The following TMEM117 variants were observed in gnomAD, a reference collection of about 807,000 sequenced individuals.
TMEM117 encodes the protein transmembrane protein 117.
Under a neutral mutation model 52.4 loss-of-function variants are expected in TMEM117, and 27 were observed. The ratio of observed to expected loss-of-function variants is 0.51; its 90% CI spans 0.38 to 0.71. TMEM117 has a LOEUF of 0.71. TMEM117 is among the 30% of genes least tolerant of loss of function. The pLI is 0.00. For missense variants in TMEM117, 556 were observed against 630.5 expected (o/e 0.88, Z 1.26); for synonymous variants, 215 against 206.3 (o/e 1.04, Z -0.36).
chr12:44,313,361 A>C (rs1003980213), intron 6 of TMEM117, among the ~76,000 whole-genome samples: 4 of 152,194 alleles, frequency 2.6e-5, no homozygotes, highest in Non-Finnish European at 4.4e-5. Context: ...TTTATTACAT[A>C]TGGAGTTCTT....
intron 3 of TMEM117, among the ~76,000 whole-genome samples, chr12:43,953,488 A>G (rs1202949384): frequency 3.9e-5 from 6 of 152,222 alleles, no homozygotes; most frequent in Non-Finnish European, 7.3e-5. Flanking sequence ...AGAAAATAGC[A>G]GGAGTTGCAA....
At chr12:44,087,811 A>G (rs753771324) in intron 3 of TMEM117, among the ~76,000 whole-genome samples, 8 of 152,190 alleles carry the variant, frequency 5.3e-5, no homozygotes, top group Non-Finnish European at 1.2e-4. Context: ...GCATTCAAAA[A>G]TGTTTTTCTC....
intron 2 of TMEM117, among the ~76,000 whole-genome samples, chr12:43,849,714 AC>A (rs1943273160): frequency 1.3e-5 from 2 of 151,556 alleles, no homozygotes; most frequent in African/African-American, 4.9e-5. Context: ...TTTTTTTCTT[AC>A]TAAAAACCTA....
chr12:43,962,722 C>T (rs1414719542), intron 3 of TMEM117, among the ~76,000 whole-genome samples: 1 of 152,116 alleles, frequency 6.6e-6, no homozygotes, highest in African/African-American at 2.4e-5. Flanking sequence ...AGATAGAGAC[C>T]ATCCTGGCTA....
chr12:44,210,309 T>G (rs1949628710), intron 4 of TMEM117, among the ~76,000 whole-genome samples: 1 of 152,152 alleles, frequency 6.6e-6, no homozygotes, highest in African/African-American at 2.4e-5. Flanking sequence ...TAAAGGAAAT[T>G]TATTCTCCAT....
At chr12:44,100,808 C>T (rs1034446898) in intron 3 of TMEM117, among the ~76,000 whole-genome samples, 1 of 151,942 alleles carries the variant, frequency 6.6e-6, no homozygotes, top group South Asian at 2.1e-4. Flanking sequence ...TTACTGGTGA[C>T]CTGCTAAACA....
chr12:44,218,926 A>C (rs148021394), intron 5 of TMEM117, among the ~76,000 whole-genome samples: 1 of 152,218 alleles, frequency 6.6e-6, no homozygotes, highest in Non-Finnish European at 1.5e-5. Context: ...TTGCATAGCT[A>C]GTGAACCTGG....
rs114092402 is a variant in TMEM117, at chr12:44,198,834, G to A, written c.511-12456G>A. Among the ~76,000 whole-genome samples the A allele has an allele frequency of 8.2e-3, 1,246 of 152,216 alleles. 13 individuals carry two copies. The highest frequency in any genetic ancestry group is 0.029 in the African/African-American group (1,187 of 41,528). Reference sequence around the variant, plus strand: ...AGTTTTCTTATCAGTTTTCTCAAGTGTCAGGCAGAAAGGGAAGAAGGAGGG... The same window carrying A: ...AGTTTTCTTATCAGTTTTCTCAAGTATCAGGCAGAAAGGGAAGAAGGAGGG... On this transcript the variant is annotated intron_variant, in intron 4 of 7. Coordinates refer to ENST00000266534, the MANE Select transcript of TMEM117 (RefSeq NM_032256.3).
intron 3 of TMEM117, chr12:44,008,923 C>T (rs950415816): frequency 6.4e-5 from 25 of 388,604 alleles, no homozygotes; most frequent in South Asian, 3.4e-4. Context: ...TCATGTAGTG[C>T]GTATTAAGAT....
intron 4 of TMEM117, among the ~76,000 whole-genome samples, chr12:44,193,295 T>C (rs1006146945): frequency 3.3e-5 from 5 of 152,190 alleles, no homozygotes; most frequent in Non-Finnish European, 5.9e-5. Context: ...CAAAACACTT[T>C]GGCTATATAA....
chr12:44,225,161 C>G (rs1949844504), intron 5 of TMEM117, among the ~76,000 whole-genome samples: 1 of 152,128 alleles, frequency 6.6e-6, no homozygotes, highest in Admixed American at 6.6e-5. Context: ...AAGAAAAATA[C>G]TTAGTATACT....
chr12:43,975,991 G>A (rs1945664803), intron 3 of TMEM117, among the ~76,000 whole-genome samples: 1 of 152,212 alleles, frequency 6.6e-6, no homozygotes, highest in Admixed American at 6.5e-5. Context: ...ATGATGGTGA[G>A]AGAAGTAGCT....
intron 3 of TMEM117, among the ~76,000 whole-genome samples, chr12:43,972,158 A>T (rs1261249450): frequency 6.6e-6 from 1 of 152,226 alleles, no homozygotes; most frequent in South Asian, 2.1e-4. Flanking sequence ...TGGATCTTAG[A>T]TCCCCAACAG....
At chr12:44,351,896 T>C (rs1349645469) in intron 6 of TMEM117, among the ~76,000 whole-genome samples, 2 of 151,878 alleles carry the variant, frequency 1.3e-5, no homozygotes, top group Non-Finnish European at 2.9e-5. Flanking sequence ...GAGGTTCCCA[T>C]TCTCTACACA....
At chr12:44,184,188 A>G (rs994546210) in intron 4 of TMEM117, among the ~76,000 whole-genome samples, 11 of 152,090 alleles carry the variant, frequency 7.2e-5, no homozygotes, top group African/African-American at 2.2e-4. Context: ...TCTACTAAAA[A>G]TACAAAAATT....
intron 4 of TMEM117, among the ~76,000 whole-genome samples, chr12:44,160,659 G>T (rs1948886467): frequency 1.3e-5 from 2 of 151,990 alleles, no homozygotes; most frequent in Admixed American, 1.3e-4. Flanking sequence ...AAAATTAGCT[G>T]GGCTCTGTGG....
At chr12:43,922,041 G>T (rs1944703389) in intron 2 of TMEM117, among the ~76,000 whole-genome samples, 1 of 152,058 alleles carries the variant, frequency 6.6e-6, no homozygotes, top group Non-Finnish European at 1.5e-5. Context: ...CATGTAAATT[G>T]CCCACCTTAG....
chr12:43,805,514 AG>A, the TMEM117 span: 1 of 456,060 alleles, frequency 2.2e-6, no homozygotes, highest in Non-Finnish European at 4.4e-6. Context: ...ACTCTTGATG[AG>A]GTGAGTACCT....
intron 6 of TMEM117, among the ~76,000 whole-genome samples, chr12:44,317,974 G>A (rs545592950): frequency 1.8e-4 from 27 of 152,292 alleles, no homozygotes; most frequent in African/African-American, 5.1e-4. Context: ...GCCACCTAGC[G>A]CCCAGAGGTA....
Sources: gnomAD v4.1 joint callset for allele counts (sites outside exome capture counted in the v4.1 genomes callset) on GRCh38, gnomAD v4.1.1 for gene constraint, MANE v1.5 for transcripts, NCBI Gene and HGNC (gene_info 2026-07-23, HGNC 2026-07-21) for gene names.